PSMB4: variants seen among roughly 807,000 people sequenced by gnomAD.
The protein encoded by PSMB4 is proteasome subunit beta type-4.
A neutral mutation model predicts 35.2 loss-of-function variants in PSMB4; 16 were observed. The observed-to-expected ratio is 0.45, with a 90% CI of 0.31 to 0.69. The LOEUF is 0.69. PSMB4 is among the 30% of genes least tolerant of loss of function. PSMB4 has a pLI of 0.06. For synonymous variants in PSMB4, 144 were observed against 134.1 expected (o/e 1.07, Z -0.51); for missense variants, 333 against 351.8 (o/e 0.95, Z 0.43).
chr1:151,401,519 TTGAA>T lies in PSMB4; in HGVS notation c.694-20_694-17del, dbSNP rs1428345745. 1.1e-5 allele frequency: 17 copies of T among 1,588,100 alleles called. No individual in the cohort carries two copies. In the African/African-American group the frequency reaches 2.3e-4, roughly 21 times the overall value. On this transcript the variant is annotated intron_variant, in intron 5 of 6. Coordinates refer to ENST00000290541, the MANE Select transcript of PSMB4 (RefSeq NM_002796.3). ...TTAAGGACTTAAGGCGTGGGCATTA[TTGAA>T]TGCTCTGCTTTCTTCCAGTTTCAAA...
chr1:151,401,597 C>G lies in PSMB4; in HGVS notation c.749C>G (p.Thr250Arg). ...KGVEIEGPLS[T>R]ETNWDIAHMI... ...GTTGAAATAGAGGGACCATTGTCTA[C>G]AGAGACCAACTGGGATATTGCCCAC... is the stretch of plus-strand genomic sequence containing the variant. Residue 250 changes from threonine to arginine, a missense_variant, in exon 6 of 7, where the codon ACA becomes AGA. Physicochemically the swap from Thr to Arg is moderately conservative, Grantham distance 71 (BLOSUM62 -1). Transcript: ENST00000290541. 1 of 1,612,164 alleles carries G rather than the reference C, an allele frequency of 6.2e-7. No homozygotes were observed. Among genetic ancestry groups the G allele is most frequent in the Non-Finnish European group, 8.5e-7 (1 of 1,178,196 alleles).
chr1:151,401,471 A>G, intron 5 of PSMB4, 71 bp from the exon 6 acceptor site: 2 of 1,514,674 alleles, frequency 1.3e-6, no homozygotes, highest in Non-Finnish European at 1.8e-6. Context: ...CACATTGGGG[A>G]AGACCTCCAC....
chr1:151,401,662 T>C lies in PSMB4; in HGVS notation c.782+32T>C, dbSNP rs1251985653. The C allele has an allele frequency of 1.9e-6, 3 of 1,565,190 alleles. No individual in the cohort carries two copies. The African/African-American group carries it at 4.1e-5, about 21-fold the overall frequency. On this transcript the variant is annotated intron_variant, in intron 6 of 6. Transcript: ENST00000290541. ...AATAGGGAAAAAATTGGTGACAGAC[T>C]TGGGAGGTCTTTGGCTTACACTAAG...
Position 151,401,822 on chromosome 1 carries a change from TTGAA to T in PSMB4, c.793_*1del. The T allele has an allele frequency of 6.2e-7, 1 of 1,610,816 alleles. No homozygotes were observed. The highest frequency in any genetic ancestry group is 8.5e-7 in the Non-Finnish European group (1 of 1,176,982). ...ATTCTGTCTTCCTTTTTTAGTGGCT[TTGAA>T]TGAAATACAGATGCATTATCCAGAA... On this transcript the variant is annotated frameshift_variant, in exon 7 of 7. Transcript: ENST00000290541. LOFTEE classifies it high-confidence loss of function.
At chr1:151,400,420 C>G (rs768849990) in intron 2 of PSMB4, 22 bp from the exon 3 acceptor site, 3 of 1,609,050 alleles carry the variant, frequency 1.9e-6, no homozygotes, top group Non-Finnish European at 2.5e-6. Flanking sequence ...TCTCCCTTTT[C>G]TCACAACCAA....
In PSMB4 at chr1:151,401,607, C is replaced by G. The variant is rs2102123668; in HGVS notation, c.759C>G (p.Asn253Lys). 6.2e-7 allele frequency: 1 copy of G among 1,610,870 alleles called. No individual in the cohort carries two copies. Residue 253 changes from asparagine (N) to lysine (K), a missense_variant, in exon 6 of 7, where the codon AAC becomes AAG. Physicochemically the swap from Asn to Lys is moderately conservative, Grantham distance 94. Coordinates refer to ENST00000290541, the MANE Select transcript of PSMB4 (RefSeq NM_002796.3). ...AGGGACCATTGTCTACAGAGACCAACTGGGATATTGCCCACATGATCAGGT... is the reference window on the plus strand; with the variant it reads ...AGGGACCATTGTCTACAGAGACCAAGTGGGATATTGCCCACATGATCAGGT... The part of the protein sequence containing the change: ...EIEGPLSTET[N>K]WDIAHMISGF...
intron 2 of PSMB4, 61 bp from the exon 3 acceptor site, chr1:151,400,381 G>C: frequency 2.5e-6 from 4 of 1,577,336 alleles, no homozygotes; most frequent in Non-Finnish European, 3.5e-6. Context: ...AACTTCTTTT[G>C]GGGATGGGTG....
At chr1:151,401,426 AG>A (rs1390386570) in intron 5 of PSMB4, 71 bp downstream of exon 5, 34 of 1,548,250 alleles carry the variant, frequency 2.2e-5, no homozygotes, top group Non-Finnish European at 2.8e-5. Context: ...TATGCTTTGA[AG>A]AACAGATTGC....
In PSMB4 at chr1:151,401,526, CTCT is replaced by C. The variant is rs1418577748; in HGVS notation, c.694-15_694-13del. On this transcript the variant is annotated splice_polypyrimidine_tract_variant and intron_variant, in intron 5 of 6. Coordinates refer to ENST00000290541, the MANE Select transcript of PSMB4 (RefSeq NM_002796.3). The stretch of plus-strand genomic sequence containing the variant: ...CTTAAGGCGTGGGCATTATTGAATG[CTCT>C]GCTTTCTTCCAGTTTCAAATCGCCA... 1 of 1,596,580 alleles carries C rather than the reference CTCT, an allele frequency of 6.3e-7. No homozygotes were observed. Among genetic ancestry groups the C allele is most frequent in the African/African-American group, 1.3e-5 (1 of 74,690 alleles).
At position 151,400,449 on chromosome 1, in the gene PSMB4, G is replaced by A. The variant is rs778500444; in HGVS notation, c.355G>A (p.Glu119Lys). Residue 119 changes from glutamate to lysine, a missense_variant, in exon 3 of 7, where the codon GAG becomes AAG. By Grantham distance (56) the Glu-to-Lys change is moderately conservative. Coordinates refer to ENST00000290541, the MANE Select transcript of PSMB4 (RefSeq NM_002796.3). The stretch of plus-strand genomic sequence containing the variant: ...CAACCAATTCCTTTTAAGGATTGAT[G>A]AGGAGCTTCTGGGAGATGGACACAG... ...KQVLGQMVID[E>K]ELLGDGHSYS... 1 of 1,613,276 alleles carries A rather than the reference G, an allele frequency of 6.2e-7. No individual in the cohort carries two copies. The highest frequency in any genetic ancestry group is 8.5e-7 in the Non-Finnish European group (1 of 1,179,928).
chr1:151,401,025 A>C (rs1385117499), intron 4 of PSMB4, 180 bp downstream of exon 4: 7 of 776,308 alleles, frequency 9.0e-6, no homozygotes, highest in Non-Finnish European at 1.5e-5. Context: ...TGACAAGATG[A>C]CATGACTGGG....
rs751896627 is a variant in PSMB4 at position 151,399,950 on chromosome 1, C to G, written c.141-31C>G. The G allele has an allele frequency of 2.4e-5, 39 of 1,600,354 alleles. No individual in the cohort carries two copies. The Admixed American group carries it at 5.2e-4, about 21-fold the overall frequency. Reference sequence around the variant, plus strand: ...CGGAAAGAGGGCGCAGTCCATCCCCCCTCTCAGCTCCCACCGTTCTCACTC... The same window carrying G: ...CGGAAAGAGGGCGCAGTCCATCCCCGCTCTCAGCTCCCACCGTTCTCACTC... On this transcript the variant is annotated intron_variant, in intron 1 of 6. Coordinates refer to ENST00000290541, the MANE Select transcript of PSMB4 (RefSeq NM_002796.3).
Position 151,399,947 on chromosome 1 carries a change from C to G in PSMB4, c.141-34C>G, listed in dbSNP as rs772931271. 3 of 1,596,052 alleles carry G rather than the reference C, an allele frequency of 1.9e-6. No homozygotes were observed. The African/African-American group carries it at 4.0e-5, about 21-fold the overall frequency. ...GCGCGGAAAGAGGGCGCAGTCCATC[C>G]CCCCTCTCAGCTCCCACCGTTCTCA... On this transcript the variant is annotated intron_variant, in intron 1 of 6. Coordinates refer to ENST00000290541, the MANE Select transcript of PSMB4 (RefSeq NM_002796.3).
At chr1:151,400,348 T>C (rs1037692086) in intron 2 of PSMB4, 94 bp from the exon 3 acceptor site, 2 of 1,510,230 alleles carry the variant, frequency 1.3e-6, no homozygotes, top group Non-Finnish European at 9.0e-7. Context: ...TGGCATTAGG[T>C]GTAAAATGGG....
chr1:151,399,719 G>T lies in PSMB4; in HGVS notation c.132G>T (p.Thr44=). The T allele has an allele frequency of 6.2e-7, 1 of 1,614,014 alleles. No homozygotes were observed. Among genetic ancestry groups the T allele is most frequent in the Non-Finnish European group, 8.5e-7 (1 of 1,180,028 alleles). Residue 44 remains threonine (T), a synonymous_variant, in exon 1 of 7, where the codon ACG becomes ACT. Coordinates refer to ENST00000290541, the MANE Select transcript of PSMB4 (RefSeq NM_002796.3). Reference sequence around the variant, plus strand: ...CTGCACTTTACAGAGGTCCAATCACGCGGACCCAGTAAGTTCTCGGCGCTT... The same window carrying T: ...CTGCACTTTACAGAGGTCCAATCACTCGGACCCAGTAAGTTCTCGGCGCTT... ...PASALYRGPI[T]RTQNPMVTGT...
intron 4 of PSMB4, 45 bp downstream of exon 4, chr1:151,400,890 A>G (rs1652797130): frequency 6.5e-7 from 1 of 1,542,046 alleles, no homozygotes; most frequent in Non-Finnish European, 9.0e-7. Flanking sequence ...GACAAAAGGA[A>G]ATGGATTAGT....
In PSMB4 at chr1:151,401,870, TAACTTTG is replaced by T; in HGVS notation, c.*47_*53del. The T allele has an allele frequency of 1.9e-6, 3 of 1,584,378 alleles. No homozygotes were observed. The highest frequency in any genetic ancestry group is 2.6e-6 in the Non-Finnish European group (3 of 1,153,742). Reference sequence around the variant, plus strand: ...TCCAGAACTGAAGTTGCCCTACTTTTAACTTTGAACTTGGCTAGTTCAAAGATAGACT... The same window carrying T: ...TCCAGAACTGAAGTTGCCCTACTTTTAACTTGGCTAGTTCAAAGATAGACT... On this transcript the variant is annotated 3_prime_UTR_variant, in exon 7 of 7. Coordinates refer to ENST00000290541, the MANE Select transcript of PSMB4 (RefSeq NM_002796.3).
rs1490585403 is a variant in PSMB4 at position 151,401,367 on chromosome 1, G to C, written c.693+12G>C. On this transcript the variant is annotated intron_variant, in intron 5 of 6. Transcript: ENST00000290541. ...GTTCTTACAACCGGGTGAGGGATGTGCTGGGAACCTAATTGGCGGGCTCTG... is the reference window on the plus strand; with the variant it reads ...GTTCTTACAACCGGGTGAGGGATGTCCTGGGAACCTAATTGGCGGGCTCTG... The C allele has an allele frequency of 6.2e-7, 1 of 1,613,022 alleles. No homozygotes were observed. Among genetic ancestry groups the C allele is most frequent in the African/African-American group, 1.3e-5 (1 of 75,018 alleles).
Position 151,400,745 on chromosome 1 carries a change from AC to A in PSMB4, c.495-16del, listed in dbSNP as rs1652787174. The A allele has an allele frequency of 1.2e-6, 2 of 1,613,824 alleles. No homozygotes were observed. The highest frequency in any genetic ancestry group is 3.3e-5 in the Admixed American group (2 of 59,990). On this transcript the variant is annotated intron_variant, in intron 3 of 6. Transcript: ENST00000290541. ...TGAATCTAAGGTGAAATGAGTTTTG[AC>A]CCATTGTGTCCTGTTAGCTTCCTCG... is the stretch of plus-strand genomic sequence containing the variant.
Sources: gnomAD v4.1 joint callset for allele counts on GRCh38, gnomAD v4.1.1 for gene constraint, MANE v1.5 for transcripts, NCBI Gene and HGNC (gene_info 2026-07-23, HGNC 2026-07-21) for gene names.